LINGO2: variants seen among roughly 807,000 people sequenced by gnomAD.
LINGO2 encodes leucine-rich repeat and immunoglobulin-like domain-containing nogo receptor-interacting protein 2.
Under a neutral mutation model 30.6 loss-of-function variants are expected in LINGO2, and 14 were observed. That is an observed-to-expected ratio of 0.46 (90% CI 0.30 to 0.72). LINGO2 has a LOEUF of 0.72. LINGO2 is among the 30% of genes least tolerant of loss of function. LINGO2 has a pLI of 0.07. For missense variants in LINGO2, 729 were observed against 751.7 expected (o/e 0.97, Z 0.35); for synonymous variants, 317 against 288.5 (o/e 1.10, Z -1.00).
the LINGO2 span, among the ~76,000 whole-genome samples, chr9:29,044,354 T>A: frequency 6.6e-6 from 1 of 152,020 alleles, no homozygotes; most frequent in Non-Finnish European, 1.5e-5. Context: ...TGATTTTGTA[T>A]ACTCTGACAT....
chr9:28,150,343 G>A (rs1827963520), intron 4 of LINGO2, among the ~76,000 whole-genome samples: 1 of 152,154 alleles, frequency 6.6e-6, no homozygotes, highest in Admixed American at 6.5e-5. Context: ...TTGCATTTTC[G>A]ACATTGAAGT....
chr9:28,623,406 A>G (rs1022964637), intron 1 of LINGO2, among the ~76,000 whole-genome samples: 7 of 152,126 alleles, frequency 4.6e-5, no homozygotes, highest in African/African-American at 1.4e-4. Flanking sequence ...ATTCTTCTGC[A>G]TATGGATATC....
the LINGO2 span, among the ~76,000 whole-genome samples, chr9:28,964,855 G>A: frequency 1.8e-3 from 270 of 151,968 alleles, 1 homozygote; most frequent in African/African-American, 4.8e-3. Context: ...TGAACTATGC[G>A]CATGGGATGG....
chr9:28,725,653 A>G, the LINGO2 span, among the ~76,000 whole-genome samples: 67 of 152,052 alleles, frequency 4.4e-4, no homozygotes, highest in East Asian at 0.011. Context: ...AGGAAAAGAA[A>G]CAAAAGAAGA....
At chr9:28,986,523 T>C in the LINGO2 span, among the ~76,000 whole-genome samples, 2 of 152,012 alleles carry the variant, frequency 1.3e-5, no homozygotes, top group South Asian at 4.1e-4. Flanking sequence ...CATCTTTCCA[T>C]TTATTTGTGT....
chr9:28,352,010 A>G (rs2134449700), intron 3 of LINGO2, among the ~76,000 whole-genome samples: 1 of 151,522 alleles, frequency 6.6e-6, no homozygotes, highest in African/African-American at 2.4e-5. Context: ...TCAAAATAAT[A>G]AGAGCTATCT....
At chr9:28,941,015 C>CAAA in the LINGO2 span, among the ~76,000 whole-genome samples, 100,960 of 147,076 alleles carry the variant, frequency 0.69, 34,680 homozygotes, top group Non-Finnish European at 0.73. Flanking sequence ...TTTCTCTCCA[C>CAAA]AAAAAAAAAT....
the LINGO2 span, among the ~76,000 whole-genome samples, chr9:29,054,950 G>T: frequency 1.3e-5 from 2 of 152,088 alleles, no homozygotes; most frequent in African/African-American, 4.8e-5. Flanking sequence ...CAGGTGCGGT[G>T]GATCGCGCCT....
the LINGO2 span, among the ~76,000 whole-genome samples, chr9:28,846,661 C>T: frequency 7.5e-5 from 11 of 147,510 alleles, no homozygotes; most frequent in African/African-American, 2.8e-4. Context: ...CTTTTCTGTT[C>T]CAGAATTTGT....
At position 28,068,212 on chromosome 9, in the gene LINGO2, C is replaced by CT. The variant is rs1339580741; in HGVS notation, c.-86-55808dup. On this transcript the variant is annotated intron_variant, in intron 4 of 5. Transcript: ENST00000379992. ...TGCCATAACAAAATACCATAACTGG[C>CT]TTAAACAACAGAAATTTATTTCTGA... is the stretch of plus-strand genomic sequence containing the variant. Among the ~76,000 whole-genome samples the CT allele has an allele frequency of 2.6e-5, 4 of 152,216 alleles. No homozygotes were observed. In the East Asian group the frequency reaches 7.7e-4, roughly 29 times the overall value.
At chr9:28,443,326 C>T (rs2135028833) in intron 2 of LINGO2, among the ~76,000 whole-genome samples, 1 of 152,290 alleles carries the variant, frequency 6.6e-6, no homozygotes, top group South Asian at 2.1e-4. Flanking sequence ...TGTGGGGATG[C>T]CAGCTGCAGG....
chr9:29,047,614 T>C, the LINGO2 span, among the ~76,000 whole-genome samples: 1 of 152,102 alleles, frequency 6.6e-6, no homozygotes, highest in Non-Finnish European at 1.5e-5. Context: ...CTGGAAGTCC[T>C]AGTTTGAGCA....
intron 1 of LINGO2, among the ~76,000 whole-genome samples, chr9:28,511,408 G>A (rs976876114): frequency 9.2e-5 from 14 of 152,128 alleles, no homozygotes; most frequent in East Asian, 3.9e-4. Context: ...AGCAGTGGCC[G>A]TAGCCAGGTC....
chr9:28,349,758 G>A (rs868848610), intron 3 of LINGO2, among the ~76,000 whole-genome samples: 2,580 of 150,340 alleles, frequency 0.017, 33 homozygotes, highest in Non-Finnish European at 0.024. Context: ...AGAAAGGTCG[G>A]GTTACCCTCA....
At chr9:28,048,802 A>G (rs976895655) in intron 4 of LINGO2, among the ~76,000 whole-genome samples, 1 of 150,808 alleles carries the variant, frequency 6.6e-6, no homozygotes, top group African/African-American at 2.5e-5. Context: ...TAGAAATGTT[A>G]AAAGTACCAC....
At chr9:28,606,305 G>A (rs1292735063) in intron 1 of LINGO2, among the ~76,000 whole-genome samples, 2 of 152,118 alleles carry the variant, frequency 1.3e-5, no homozygotes, top group African/African-American at 4.8e-5. Context: ...AAAAGTCACT[G>A]TGAAAATAAA....
intron 4 of LINGO2, among the ~76,000 whole-genome samples, chr9:28,063,737 A>C (rs1392325233): frequency 1.3e-5 from 2 of 152,138 alleles, no homozygotes; most frequent in African/African-American, 4.8e-5. Context: ...TAACTCTATA[A>C]AAATGGTTTA....
intron 2 of LINGO2, among the ~76,000 whole-genome samples, chr9:28,437,514 C>T (rs1823993628): frequency 6.6e-6 from 1 of 150,950 alleles, no homozygotes; most frequent in Non-Finnish European, 1.5e-5. Flanking sequence ...CTAATAAATC[C>T]CTTCCTATAC....
At chr9:28,848,397 G>GTGTGTATA in the LINGO2 span, among the ~76,000 whole-genome samples, 5 of 48,432 alleles carry the variant, frequency 1.0e-4, no homozygotes, top group East Asian at 1.5e-3. Flanking sequence ...GTGTGTGTGT[G>GTGTGTATA]TATATATATA....
Sources: gnomAD v4.1 joint callset for allele counts (sites outside exome capture counted in the v4.1 genomes callset) on GRCh38, gnomAD v4.1.1 for gene constraint, MANE v1.5 for transcripts, NCBI Gene and HGNC (gene_info 2026-07-23, HGNC 2026-07-21) for gene names.